The following HMGCLL1 variants were observed in gnomAD, a reference collection of about 807,000 sequenced individuals.
The protein encoded by HMGCLL1 is 3-hydroxy-3-methylglutaryl-CoA lyase like 1, also known as 3-hydroxymethyl-3-methylglutaryl-CoA lyase, cytoplasmic.
Under a neutral mutation model 39.1 loss-of-function variants are expected in HMGCLL1, and 36 were observed. That is an observed-to-expected ratio of 0.92 (90% CI 0.71 to 1.22). The LOEUF is 1.22. Among genes scored for constraint, HMGCLL1 ranks in the 50% most tolerant of loss-of-function variants. The probability of loss-of-function intolerance (pLI) is 0.00; values close to 1 mark genes in which losing one functional copy is unlikely to be tolerated. For synonymous variants in HMGCLL1, 149 were observed against 144.0 expected (o/e 1.03, Z -0.25); for missense variants, 451 against 416.5 (o/e 1.08, Z -0.72).
At chr6:55,531,687 G>A (rs907255948) in intron 3 of HMGCLL1, among the ~76,000 whole-genome samples, 1 of 152,026 alleles carries the variant, frequency 6.6e-6, no homozygotes, top group Non-Finnish European at 1.5e-5. Flanking sequence ...AGCAAGTGAA[G>A]TTTCATCTGT....
intron 7 of HMGCLL1, among the ~76,000 whole-genome samples, chr6:55,453,074 G>A (rs1764171666): frequency 6.6e-6 from 1 of 152,082 alleles, no homozygotes; most frequent in South Asian, 2.1e-4. Flanking sequence ...GAGAGGATGT[G>A]GGAAGAGGTA....
intron 5 of HMGCLL1, among the ~76,000 whole-genome samples, chr6:55,503,914 G>A (rs1767023267): frequency 6.6e-6 from 1 of 151,616 alleles, no homozygotes; most frequent in Admixed American, 6.6e-5. Flanking sequence ...CCATTCCCAA[G>A]AACCCTCTCC....
At chr6:55,520,905 T>A in intron 3 of HMGCLL1, among the ~76,000 whole-genome samples, 1 of 151,964 alleles carries the variant, frequency 6.6e-6, no homozygotes, top group African/African-American at 2.4e-5. Context: ...CCTACCATGG[T>A]TAAGAATTGT....
At chr6:55,669,751 C>T in the HMGCLL1 span, among the ~76,000 whole-genome samples, 3 of 151,564 alleles carry the variant, frequency 2.0e-5, no homozygotes, top group South Asian at 4.2e-4. Flanking sequence ...AGAATGAAAA[C>T]GACAGAGGAA....
the HMGCLL1 span, among the ~76,000 whole-genome samples, chr6:55,586,358 G>C: frequency 6.6e-6 from 1 of 151,178 alleles, no homozygotes; most frequent in Non-Finnish European, 1.5e-5. Flanking sequence ...ACTGAAAACA[G>C]CCTCATTATT....
chr6:55,578,916 G>A (rs1771895506), intron 1 of HMGCLL1, 32 bp downstream of exon 1: 1 of 1,515,598 alleles, frequency 6.6e-7, no homozygotes, highest in East Asian at 2.3e-5. Context: ...GTGCGCATGA[G>A]GGTGGGGACA....
At chr6:55,455,259 A>T (rs1218925477) in intron 7 of HMGCLL1, among the ~76,000 whole-genome samples, 1 of 152,186 alleles carries the variant, frequency 6.6e-6, no homozygotes. Context: ...GAGACCCACC[A>T]TTGATCAAAA....
the HMGCLL1 span, among the ~76,000 whole-genome samples, chr6:55,660,826 A>G: frequency 1.3e-5 from 2 of 152,026 alleles, no homozygotes; most frequent in South Asian, 4.1e-4. Flanking sequence ...GAACTAATTT[A>G]CACTACCGCC....
At chr6:55,542,800 T>TTATATATA (rs199633561) in intron 1 of HMGCLL1, among the ~76,000 whole-genome samples, 12 of 138,148 alleles carry the variant, frequency 8.7e-5, no homozygotes, top group African/African-American at 2.9e-4. Flanking sequence ...ATACCTATAT[T>TTATATATA]TATATATATA....
chr6:55,490,127 C>T (rs1344829691), intron 7 of HMGCLL1, among the ~76,000 whole-genome samples: 3 of 152,004 alleles, frequency 2.0e-5, no homozygotes, highest in African/African-American at 2.4e-5. Context: ...TATCTGCACT[C>T]GAAGACTCTG....
chr6:55,644,278 T>C, the HMGCLL1 span, among the ~76,000 whole-genome samples: 4 of 152,084 alleles, frequency 2.6e-5, no homozygotes, highest in Admixed American at 6.6e-5. Flanking sequence ...TTTGAGCCCC[T>C]TATATATTAT....
chr6:55,676,417 A>G, the HMGCLL1 span, among the ~76,000 whole-genome samples: 1 of 152,188 alleles, frequency 6.6e-6, no homozygotes, highest in Non-Finnish European at 1.5e-5. Flanking sequence ...CCAAAATTTT[A>G]ACACTATATT....
intron 1 of HMGCLL1, among the ~76,000 whole-genome samples, chr6:55,566,095 A>G (rs912834588): frequency 2.6e-5 from 4 of 152,152 alleles, no homozygotes; most frequent in African/African-American, 7.2e-5. Context: ...ATCAGTTTCT[A>G]TTTCACAGTG....
intron 7 of HMGCLL1, among the ~76,000 whole-genome samples, chr6:55,495,020 A>G: frequency 6.6e-6 from 1 of 152,216 alleles, no homozygotes; most frequent in East Asian, 1.9e-4. Context: ...AGAGCATGAA[A>G]TCACCAAAGA....
chr6:55,676,719 C>G, the HMGCLL1 span, among the ~76,000 whole-genome samples: 1 of 152,218 alleles, frequency 6.6e-6, no homozygotes, highest in Non-Finnish European at 1.5e-5. Flanking sequence ...TGCAATAAAA[C>G]TCTTCAATTT....
chr6:55,462,409 C>A (rs1764612277), intron 7 of HMGCLL1, among the ~76,000 whole-genome samples: 1 of 152,134 alleles, frequency 6.6e-6, no homozygotes, highest in South Asian at 2.1e-4. Flanking sequence ...TCTTAGCTGT[C>A]TCCCCTGCCC....
At chr6:55,650,132 TA>T in the HMGCLL1 span, among the ~76,000 whole-genome samples, 1,583 of 50,728 alleles carry the variant, frequency 0.031, 50 homozygotes, top group South Asian at 0.05. Flanking sequence ...TATATATATA[TA>T]TACACACACA....
At chr6:55,500,342 T>A (rs946157904) in intron 5 of HMGCLL1, among the ~76,000 whole-genome samples, 4 of 151,986 alleles carry the variant, frequency 2.6e-5, no homozygotes, top group African/African-American at 9.7e-5. Context: ...TGGAAGCAGA[T>A]GCCAGAGAAA....
intron 7 of HMGCLL1, among the ~76,000 whole-genome samples, chr6:55,475,788 T>C (rs147161095): frequency 1.5e-3 from 226 of 151,772 alleles, no homozygotes; most frequent in Non-Finnish European, 2.9e-3. Context: ...TGTATCAAGA[T>C]TAAGATTTTT....
Sources: gnomAD v4.1 joint callset for allele counts (sites outside exome capture counted in the v4.1 genomes callset) on GRCh38, gnomAD v4.1.1 for gene constraint, MANE v1.5 for transcripts, NCBI Gene and HGNC (gene_info 2026-07-23, HGNC 2026-07-21) for gene names.